ZNF462: variants seen among roughly 807,000 people sequenced by gnomAD.
ZNF462 encodes zinc finger PBX1-interacting protein.
In ZNF462, 10 loss-of-function variants were observed where a neutral mutation model predicts 201.9. The observed-to-expected ratio is 0.05, with a 90% CI of 0.03 to 0.08. The LOEUF is 0.08. Among genes scored for constraint, ZNF462 ranks in the 10% least tolerant of loss-of-function variants. The pLI is 1.00. For synonymous variants in ZNF462, 1,227 were observed against 1,193.3 expected (o/e 1.03, Z -0.58); for missense variants, 2,523 against 3,168.3 (o/e 0.80, Z 4.89).
intron 7 of ZNF462, among the ~76,000 whole-genome samples, chr9:106,946,054 C>G (rs1225573361): frequency 6.6e-6 from 1 of 152,190 alleles, no homozygotes; most frequent in African/African-American, 2.4e-5. Context: ...CTTTCCATGT[C>G]CTGGGAACTT....
rs144415479 is a variant in ZNF462, at chr9:106,939,016, C to T, written c.6336C>T (p.Leu2112=). The T allele has an allele frequency of 1.2e-3, 1,857 of 1,614,038 alleles. 5 individuals are homozygous for T. The highest frequency in any genetic ancestry group is 1.5e-3 in the Middle Eastern group (9 of 6,056). Residue 2112 remains leucine, a synonymous_variant, in exon 7 of 13, where the codon CTC becomes CTT. Coordinates refer to ENST00000277225, the MANE Select transcript of ZNF462 (RefSeq NM_021224.6). ...AGGTCCACGGAAAAGCCCTGACCCT[C>T]CCCAGGCCACGGATCGTCAGTCTCC... ...SLKVHGKALT[L]PRPRIVSLLS...
chr9:107,010,325 A>G lies in ZNF462; in HGVS notation c.7314-498A>G, dbSNP rs914779079. Among the ~76,000 whole-genome samples, 1 of 152,110 alleles carries G rather than the reference A, an allele frequency of 6.6e-6. No homozygotes were observed. Among genetic ancestry groups the G allele is most frequent in the Admixed American group, 6.6e-5 (1 of 15,264 alleles). The stretch of plus-strand genomic sequence containing the variant: ...AGAATATAACCAAGCTTCCCGAGAC[A>G]TGGGTTCCATCTTCAGGTTTTTGTT... On this transcript the variant is annotated intron_variant, in intron 12 of 12. Transcript: ENST00000277225. This position sits in a 1 kb window ranked among gnomAD's most constrained non-coding sequence, Gnocchi z 4.6.
chr9:106,907,270 T>A (rs1304579581), intron 1 of ZNF462, among the ~76,000 whole-genome samples: 1 of 152,180 alleles, frequency 6.6e-6, no homozygotes, highest in Admixed American at 6.5e-5. Flanking sequence ...AGCTCTGTAA[T>A]CTGTGTCACA....
At chr9:106,871,522 AGGC>A (rs1444445205) in intron 1 of ZNF462, among the ~76,000 whole-genome samples, 2 of 152,232 alleles carry the variant, frequency 1.3e-5, no homozygotes, top group African/African-American at 4.8e-5. Context: ...GGAAGAAGTA[AGGC>A]ATTGCTTTTA....
Position 107,010,980 on chromosome 9 carries a change from G to T in ZNF462, c.7471G>T (p.Val2491Leu). ...GAATGAAACAGTAGCCATCTGTGTA[G>T]TAACTGCCGACAAATCTCTCCTGGA... ...LKNETVAICV[V>L]TADKSLLENA... Residue 2491 changes from valine to leucine, a missense_variant, in exon 13 of 13, where the codon GTA becomes TTA. Around this residue, in one of 15 missense-constraint regions of ZNF462, gnomAD observed 67 missense variants for 63.2 expected, o/e 1.06. Coordinates refer to ENST00000277225, the MANE Select transcript of ZNF462 (RefSeq NM_021224.6). This position sits in a 1 kb window ranked among gnomAD's most constrained non-coding sequence, Gnocchi z 4.6. The T allele has an allele frequency of 6.2e-7, 1 of 1,613,776 alleles. No homozygotes were observed. The highest frequency in any genetic ancestry group is 8.5e-7 in the Non-Finnish European group (1 of 1,179,894).
chr9:106,875,520 T>G (rs955813138), intron 1 of ZNF462, among the ~76,000 whole-genome samples: 1 of 152,240 alleles, frequency 6.6e-6, no homozygotes, highest in African/African-American at 2.4e-5. Context: ...ACATGATCAC[T>G]AAGATTTGAG....
At chr9:106,943,055 C>CGTGTGTGTGT (rs771634911) in intron 7 of ZNF462, among the ~76,000 whole-genome samples, 1,164 of 81,078 alleles carry the variant, frequency 0.014, 11 homozygotes, top group African/African-American at 0.049. Flanking sequence ...TTGTTTTGCG[C>CGTGTGTGTGT]GCGCGTGTGT....
At position 106,890,025 on chromosome 9, in the gene ZNF462, T is replaced by C. The variant is rs2131037761; in HGVS notation, c.-31+26670T>C. Among the ~76,000 whole-genome samples, 1 of 152,196 alleles carries C rather than the reference T, an allele frequency of 6.6e-6. No homozygotes were observed. The highest frequency in any genetic ancestry group is 1.9e-4 in the East Asian group (1 of 5,196). ...CCAGGCCAACTAATAGGTGTGACCATTTCTTTGTTTTATGCTCTAGTGTAG... is the reference window on the plus strand; with the variant it reads ...CCAGGCCAACTAATAGGTGTGACCACTTCTTTGTTTTATGCTCTAGTGTAG... On this transcript the variant is annotated intron_variant, in intron 1 of 12. Transcript: ENST00000277225. This position sits in a 1 kb window ranked among gnomAD's most constrained non-coding sequence, Gnocchi z 4.2.
rs139901780 is a variant in ZNF462 at position 106,960,073 on chromosome 9, G to A, written c.6428-11932G>A. ...TTTGTTGGCTCAGAGACTCCCGCTCGGGGACAATTTTAGAAGAGCTCTGTG... is the reference window on the plus strand; with the variant it reads ...TTTGTTGGCTCAGAGACTCCCGCTCAGGGACAATTTTAGAAGAGCTCTGTG... On this transcript the variant is annotated intron_variant, in intron 7 of 12. Coordinates refer to ENST00000277225, the MANE Select transcript of ZNF462 (RefSeq NM_021224.6). Among the ~76,000 whole-genome samples, 388 of 152,152 alleles carry A rather than the reference G, an allele frequency of 2.6e-3. 4 individuals are homozygous for A. The highest frequency in any genetic ancestry group is 9.2e-3 in the African/African-American group (382 of 41,526).
intron 9 of ZNF462, among the ~76,000 whole-genome samples, chr9:106,982,240 C>G (rs776441877): frequency 2.0e-5 from 3 of 152,128 alleles, no homozygotes; most frequent in African/African-American, 7.2e-5. Flanking sequence ...ATTTGCCTCC[C>G]CAGAGTGTGT....
chr9:106,956,932 A>G (rs751750608), intron 7 of ZNF462, among the ~76,000 whole-genome samples: 2 of 152,148 alleles, frequency 1.3e-5, no homozygotes, highest in African/African-American at 2.4e-5. Context: ...TTGATCTTCT[A>G]TCCAGGCTAC....
In ZNF462 at chr9:106,972,225, G is replaced by A. The variant is rs774941031; in HGVS notation, c.6648G>A (p.Gly2216=). The A allele has an allele frequency of 3.7e-6, 6 of 1,614,232 alleles. No individual in the cohort carries two copies. The East Asian group carries it at 8.9e-5, about 24-fold the overall frequency. Reference sequence around the variant, plus strand: ...GTCATTACCGGGACAAGCATGGTGGGAAGAAGCTTTTCAAGTGCAAAGACT... The same window carrying A: ...GTCATTACCGGGACAAGCATGGTGGAAAGAAGCTTTTCAAGTGCAAAGACT... ...IRRHYRDKHG[G]KKLFKCKDCS... The change falls in exon 8 of 13, where the codon GGG becomes GGA. Residue 2216 remains glycine (G), a synonymous_variant. Coordinates refer to ENST00000277225, the MANE Select transcript of ZNF462 (RefSeq NM_021224.6). The surrounding 1 kb of genome is among the most constrained non-coding windows in gnomAD (Gnocchi z 4.8).
intron 1 of ZNF462, among the ~76,000 whole-genome samples, chr9:106,864,107 T>TCTCTCTCTCTCC (rs1564062907): frequency 3.0e-5 from 3 of 100,332 alleles, no homozygotes; most frequent in Admixed American, 1.0e-4. Context: ...TCTCTCTCTC[T>TCTCTCTCTCTCC]CTCCCTCTCC....
chr9:106,925,559 G>C lies in ZNF462; in HGVS notation c.1647G>C (p.Pro549=). The C allele has an allele frequency of 6.2e-7, 1 of 1,610,338 alleles. No individual in the cohort carries two copies. Among genetic ancestry groups the C allele is most frequent in the Non-Finnish European group, 8.5e-7 (1 of 1,178,102 alleles). ...QQQPPQPPPP[P]PPPPPSQPQP... ...AGCCACCGCAGCCACCACCACCGCC[G>C]CCGCCACCACCACCATCACAGCCAC... is the stretch of plus-strand genomic sequence containing the variant. Residue 549 remains proline (P), a synonymous_variant, in exon 3 of 13, where the codon CCG becomes CCC. Transcript: ENST00000277225. This position sits in a 1 kb window ranked among gnomAD's most constrained non-coding sequence, Gnocchi z 7.9.
intron 10 of ZNF462, among the ~76,000 whole-genome samples, chr9:106,986,408 A>T (rs1379742320): frequency 6.6e-6 from 1 of 152,182 alleles, no homozygotes; most frequent in Non-Finnish European, 1.5e-5. Context: ...GGGAATTGTT[A>T]TACCTTTCTC....
chr9:106,992,391 T>C (rs967368610), intron 10 of ZNF462, among the ~76,000 whole-genome samples: 4 of 152,094 alleles, frequency 2.6e-5, no homozygotes, highest in African/African-American at 9.7e-5. Flanking sequence ...CATACATTGC[T>C]GATTGGAATG....
In ZNF462 at chr9:106,929,974, T is replaced by C. The variant is rs1308295687; in HGVS notation, c.5847+215T>C. ...CTTCTCCTCCCTCCTTCCCTTTGAC[T>C]CCTCCCATGGCTCCCCAGGGGAGGT... On this transcript the variant is annotated intron_variant, in intron 3 of 12. Transcript: ENST00000277225. The surrounding 1 kb of genome is among the most constrained non-coding windows in gnomAD (Gnocchi z 8.7). Among the ~76,000 whole-genome samples the C allele has an allele frequency of 6.6e-6, 1 of 152,052 alleles. No individual in the cohort carries two copies. Among genetic ancestry groups the C allele is most frequent in the Non-Finnish European group, 1.5e-5 (1 of 67,996 alleles).
intron 7 of ZNF462, among the ~76,000 whole-genome samples, chr9:106,953,044 A>G (rs1266932586): frequency 6.6e-6 from 1 of 152,168 alleles, no homozygotes; most frequent in Non-Finnish European, 1.5e-5. Context: ...GAACCCCAGG[A>G]AAGTGCTCTG....
chr9:106,929,330 C>T lies in ZNF462; in HGVS notation c.5418C>T (p.Tyr1806=). The T allele has an allele frequency of 6.2e-7, 1 of 1,614,150 alleles. No individual in the cohort carries two copies. Residue 1806 remains tyrosine (Y), a synonymous_variant, in exon 3 of 13, where the codon TAC becomes TAT. Coordinates refer to ENST00000277225, the MANE Select transcript of ZNF462 (RefSeq NM_021224.6). The surrounding 1 kb of genome is among the most constrained non-coding windows in gnomAD (Gnocchi z 8.7). The stretch of plus-strand genomic sequence containing the variant: ...AGCACGCCAGCAAGTTGGGGGGCTA[C>T]TTCACGGCCGTCTATGCAGATGAGC... ...KKQHASKLGG[Y]FTAVYADEHE... is the part of the protein sequence containing the mutation.
Sources: gnomAD v4.1 joint callset for allele counts (sites outside exome capture counted in the v4.1 genomes callset) on GRCh38, gnomAD v4.1.1 for gene constraint, gnomAD v4.1.1 regional missense constraint, Gnocchi (gnomAD v3.1) non-coding constraint, MANE v1.5 for transcripts, NCBI Gene and HGNC (gene_info 2026-07-23, HGNC 2026-07-21) for gene names.